Variants in ZNF43 observed in about 807,000 individuals in gnomAD.
The protein encoded by ZNF43 is zinc finger protein 43, also known as zinc finger protein 39-like 1 (KOX 27).
ZNF43 carries 44 observed loss-of-function variants against 68.4 expected under a neutral mutation model. The ratio of observed to expected loss-of-function variants is 0.64; its 90% CI spans 0.51 to 0.83. The LOEUF (loss-of-function observed/expected upper bound fraction) is 0.83, where lower values mean the gene tolerates loss of function less well. ZNF43 is among the 40% of genes least tolerant of loss of function. The probability of loss-of-function intolerance (pLI) is 0.00; values close to 1 mark genes in which losing one functional copy is unlikely to be tolerated. For synonymous variants in ZNF43, 308 were observed against 307.8 expected, an observed-to-expected ratio of 1.00 and a Z score of -0.01; for missense variants, 896 against 933.2, an observed-to-expected ratio of 0.96 and a Z score of 0.52.
chr19:21,823,910 C>T (rs1213384763), intron 1 of ZNF43, among the ~76,000 whole-genome samples: 2 of 152,210 alleles, frequency 1.3e-5, no homozygotes, highest in South Asian at 2.1e-4. Flanking sequence ...CCTGGCCAGG[C>T]GCAGTGGCTC....
In ZNF43 at chr19:21,835,258, AAAAAAAAAG is replaced by A. The variant is rs1356343696; in HGVS notation, c.3+769_3+777del. Among the ~76,000 whole-genome samples, 7 of 150,408 alleles carry A rather than the reference AAAAAAAAAG, an allele frequency of 4.7e-5. No homozygotes were observed. In the South Asian group the frequency reaches 1.0e-3, roughly 22 times the overall value. On this transcript the variant is annotated intron_variant, in intron 1 of 3. Coordinates refer to ENST00000354959, the MANE Select transcript of ZNF43 (RefSeq NM_003423.4). ...AAGCGAAAGTCCATCTCAAAAAAAA[AAAAAAAAAG>A]AAAAAAAAGAAAAAATAGTTGATAA...
intron 1 of ZNF43, among the ~76,000 whole-genome samples, chr19:21,850,567 C>T (rs1157773989): frequency 2.0e-5 from 3 of 151,670 alleles, no homozygotes; most frequent in African/African-American, 7.3e-5. Context: ...CTCAAACAAA[C>T]AAAAAAAGAA....
At position 21,825,483 on chromosome 19, in the gene ZNF43, T is replaced by A. The variant is rs966672302; in HGVS notation, c.4-6262A>T. 2.0e-5 allele frequency among the ~76,000 whole-genome samples: 3 copies of A among 152,222 alleles called. No homozygotes were observed. The South Asian group carries it at 6.2e-4, about 32-fold the overall frequency. ...GTTCTCATTTTAATGTCTCTGAGTTTGAAAAAAGGACTTGCATTTCTCAGA... is the reference window on the plus strand; with the variant it reads ...GTTCTCATTTTAATGTCTCTGAGTTAGAAAAAAGGACTTGCATTTCTCAGA... On this transcript the variant is annotated intron_variant, in intron 1 of 3. Transcript: ENST00000354959.
In ZNF43 at chr19:21,808,934, T is replaced by C. The variant is rs190825996; in HGVS notation, c.1103A>G (p.Lys368Arg). ...ACCACATTCTGTACATTTATAGAAT[T>C]TCTCTGCAGTATGGATTCTCTTATG... ...TTHKRIHTAE[K>R]FYKCTECGEA... The change falls in exon 4 of 4, where the codon AAA becomes AGA. Residue 368 changes from lysine to arginine, a missense_variant. By Grantham distance (26) the Lys-to-Arg change is conservative (BLOSUM62 2). Transcript: ENST00000354959. The C allele has an allele frequency of 1.9e-6, 3 of 1,613,652 alleles. No individual in the cohort carries two copies. The highest frequency in any genetic ancestry group is 2.5e-6 in the Non-Finnish European group (3 of 1,179,844).
chr19:21,843,476 C>T (rs560682043), intron 1 of ZNF43: 45 of 765,992 alleles, frequency 5.9e-5, no homozygotes, highest in Middle Eastern at 6.5e-4. Flanking sequence ...ATCTCTTCTG[C>T]GGACTGTGTC....
rs191973569 is a variant in ZNF43, at chr19:21,806,084, A to C, written c.*1523T>G. The stretch of plus-strand genomic sequence containing the variant: ...ACTTTTGTCACTATAATGCAGAAGA[A>C]TATTACTCTGAAAACCTATCTCCTG... On this transcript the variant is annotated 3_prime_UTR_variant, in exon 4 of 4. Transcript: ENST00000354959. The C allele has an allele frequency of 8.5e-5, 13 of 152,138 alleles. No homozygotes were observed. The East Asian group carries it at 1.9e-3, about 23-fold the overall frequency. The allele number at this position is 152,138 out of a possible 1,614,324, so 9.4% of individuals were successfully genotyped here.
At chr19:21,827,604 C>G (rs934107482) in intron 1 of ZNF43, among the ~76,000 whole-genome samples, 6 of 151,862 alleles carry the variant, frequency 4.0e-5, no homozygotes, top group African/African-American at 1.4e-4. Context: ...TCAAGTGATC[C>G]ACCCACCTTG....
At chr19:21,836,595 TTTCTTA>T (rs1413499512), upstream of ZNF43, among the ~76,000 whole-genome samples, 1 of 152,216 alleles carries the variant, frequency 6.6e-6, no homozygotes, top group Admixed American at 6.5e-5. Context: ...CTGTGGGGTT[TTTCTTA>T]TTCTTGAGAG....
upstream of ZNF43, chr19:21,840,606 C>T (rs1967456265): frequency 6.6e-6 from 1 of 152,136 alleles, no homozygotes. Context: ...GTCAATTTTC[C>T]AACCACCTCC....
Position 21,809,159 on chromosome 19 carries a change from T to A in ZNF43, c.878A>T (p.Lys293Ile), listed in dbSNP as rs201696193. Residue 293 changes from lysine to isoleucine, a missense_variant, in exon 4 of 4, where the codon AAA becomes ATA. Coordinates refer to ENST00000354959, the MANE Select transcript of ZNF43 (RefSeq NM_003423.4). ...AAGGTTTGAGGATTGGTTAAAAGCT[T>A]TGGCACATTCTTTACATTTGTAGAA... Reference protein sequence around the residue: ...EKFYKCKECAKAFNQSSNLTE... With the variant: ...EKFYKCKECAIAFNQSSNLTE... 89 of 1,613,462 alleles carry A rather than the reference T, an allele frequency of 5.5e-5. No homozygotes were observed. The highest frequency in any genetic ancestry group is 1.8e-4 in the South Asian group (16 of 91,074).
At chr19:21,822,754 G>C (rs1350750678) in intron 1 of ZNF43, among the ~76,000 whole-genome samples, 1 of 151,988 alleles carries the variant, frequency 6.6e-6, no homozygotes, top group South Asian at 2.1e-4. Flanking sequence ...ACAGTGAGCC[G>C]AGATCGCGCC....
At chr19:21,821,257 C>A (rs758473414) in intron 1 of ZNF43, among the ~76,000 whole-genome samples, 1 of 151,186 alleles carries the variant, frequency 6.6e-6, no homozygotes. Flanking sequence ...GTCATTCTCC[C>A]GCCTCAGCCT....
At chr19:21,818,048 A>AATGTGTCCAGTATGAAGGGTG in intron 2 of ZNF43, 62 bp from the exon 3 acceptor site, 2 of 1,503,676 alleles carry the variant, frequency 1.3e-6, no homozygotes. Flanking sequence ...TTAACCTAGT[A>AATGTGTCCAGTATGAAGGGTG]ATGTGTCCAG....
intron 3 of ZNF43, among the ~76,000 whole-genome samples, chr19:21,817,395 G>A (rs1324331149): frequency 6.6e-6 from 1 of 151,894 alleles, no homozygotes; most frequent in African/African-American, 2.4e-5. Context: ...ACAAAGCAAA[G>A]AAACATCATA....
chr19:21,848,411 G>A (rs931265677), intron 1 of ZNF43, among the ~76,000 whole-genome samples: 1 of 151,504 alleles, frequency 6.6e-6, no homozygotes, highest in Non-Finnish European at 1.5e-5. Flanking sequence ...CTCCCAGAGT[G>A]CTGGGATTAC....
rs1204853413 is a variant in ZNF43 at position 21,836,101 on chromosome 19, G to A, written c.-63C>T. On this transcript the variant is annotated 5_prime_UTR_variant, in exon 1 of 4. Coordinates refer to ENST00000354959, the MANE Select transcript of ZNF43 (RefSeq NM_003423.4). ...GATCCCCCAATACCCGCAGGTCACA[G>A]AGCCACAGAGGCTGGACCTCTAGCA... 14 of 1,612,100 alleles carry A rather than the reference G, an allele frequency of 8.7e-6. No homozygotes were observed. The highest frequency in any genetic ancestry group is 1.0e-5 in the Non-Finnish European group (12 of 1,178,698).
At chr19:21,817,063 G>A (rs767724843) in intron 3 of ZNF43, among the ~76,000 whole-genome samples, 1 of 151,960 alleles carries the variant, frequency 6.6e-6, no homozygotes, top group Non-Finnish European at 1.5e-5. Context: ...CAAACATGGC[G>A]AAACCCTGTC....
intron 1 of ZNF43, among the ~76,000 whole-genome samples, chr19:21,828,886 A>ACAGGGCACC (rs2038273387): frequency 6.6e-6 from 1 of 151,676 alleles, no homozygotes; most frequent in Admixed American, 6.6e-5. Flanking sequence ...ACAAAAAAAT[A>ACAGGGCACC]GCCGGGTGCC....
At chr19:21,825,230 C>A (rs2038056579) in intron 1 of ZNF43, among the ~76,000 whole-genome samples, 1 of 151,728 alleles carries the variant, frequency 6.6e-6, no homozygotes, top group Non-Finnish European at 1.5e-5. Context: ...GTGAAACTGT[C>A]TCAAAAATCA....
Sources: allele counts gnomAD v4.1 joint callset (sites outside exome capture counted in the v4.1 genomes callset), GRCh38; gene constraint gnomAD v4.1.1; transcripts MANE v1.5; gene names NCBI Gene and HGNC (gene_info 2026-07-23, HGNC 2026-07-21).